USP48: variants seen among roughly 807,000 people sequenced by gnomAD.
The protein encoded by USP48 is ubiquitin carboxyl-terminal hydrolase 48.
In USP48, 43 loss-of-function variants were observed where a neutral mutation model predicts 150.7. That is an observed-to-expected ratio of 0.29 (90% CI 0.22 to 0.37). USP48 has a LOEUF of 0.37. Among genes scored for constraint, USP48 ranks in the 10% least tolerant of loss-of-function variants. The probability of loss-of-function intolerance (pLI) is 1.00; values close to 1 mark genes in which losing one functional copy is unlikely to be tolerated. For missense variants in USP48, 813 were observed against 1,249.6 expected (o/e 0.65, Z 5.27); for synonymous variants, 396 against 425.9 (o/e 0.93, Z 0.86).
At chr1:21,694,035 T>G (rs971744825) in intron 23 of USP48, among the ~76,000 whole-genome samples, 1 of 152,222 alleles carries the variant, frequency 6.6e-6, no homozygotes, top group African/African-American at 2.4e-5. Context: ...GAATTTTTTA[T>G]GGACATCTTG....
chr1:21,694,300 C>T (rs2097614618), intron 23 of USP48, among the ~76,000 whole-genome samples: 1 of 151,910 alleles, frequency 6.6e-6, no homozygotes, highest in South Asian at 2.1e-4. Flanking sequence ...AGGCCGGGCG[C>T]GGTGGCTCAC....
At chr1:21,782,749 T>C (rs1411288499) in intron 1 of USP48, 75 bp downstream of exon 1, 28 of 1,448,530 alleles carry the variant, frequency 1.9e-5, no homozygotes, top group Non-Finnish European at 2.4e-5. Flanking sequence ...GCTGCCGTCT[T>C]CCTTTCCCCT....
At chr1:21,704,463 C>G (rs757070113) in intron 19 of USP48, 71 bp from the exon 20 acceptor site, 6 of 1,479,002 alleles carry the variant, frequency 4.1e-6, no homozygotes, top group South Asian at 1.4e-5. Flanking sequence ...ATCCATTAGT[C>G]TGCTAAACCA....
chr1:21,714,694 C>T (rs1447214127), intron 15 of USP48, among the ~76,000 whole-genome samples: 3 of 152,220 alleles, frequency 2.0e-5, no homozygotes, highest in Non-Finnish European at 2.9e-5. Flanking sequence ...CTTGCACGAT[C>T]ATCTTGTAAA....
At chr1:21,714,778 A>C (rs540695259) in intron 15 of USP48, among the ~76,000 whole-genome samples, 1 of 152,258 alleles carries the variant, frequency 6.6e-6, no homozygotes, top group African/African-American at 2.4e-5. Context: ...GGATTAAATA[A>C]GGATTTAGAA....
At position 21,767,900 on chromosome 1, in the gene USP48, G is replaced by C. The variant is rs960171155; in HGVS notation, c.135-10117C>G. On this transcript the variant is annotated intron_variant, in intron 1 of 26. Transcript: ENST00000308271. ...TATCAAGGTCTCATAAATTAGACATGCAAGAAATAAGCAAATCTAAAAACA... is the reference window on the plus strand; with the variant it reads ...TATCAAGGTCTCATAAATTAGACATCCAAGAAATAAGCAAATCTAAAAACA... 2.0e-5 allele frequency among the ~76,000 whole-genome samples: 3 copies of C among 152,198 alleles called. No homozygotes were observed. In the East Asian group the frequency reaches 5.8e-4, roughly 29 times the overall value.
chr1:21,683,980 A>G (rs1478367473), intron 25 of USP48, among the ~76,000 whole-genome samples: 1 of 152,252 alleles, frequency 6.6e-6, no homozygotes, highest in Non-Finnish European at 1.5e-5. Flanking sequence ...TAATGGCTGA[A>G]TAATAGTATC....
At chr1:21,687,293 T>G in intron 24 of USP48, 54 bp from the exon 25 acceptor site, 1 of 1,529,084 alleles carries the variant, frequency 6.5e-7, no homozygotes, top group Non-Finnish European at 9.0e-7. Flanking sequence ...AGTCTGAAAT[T>G]TGAAGTATGG....
chr1:21,683,437 T>A (rs1356061359), intron 25 of USP48, among the ~76,000 whole-genome samples: 2 of 151,898 alleles, frequency 1.3e-5, no homozygotes, highest in African/African-American at 4.8e-5. Flanking sequence ...CAGGCTTGAG[T>A]GTAGTGGCAT....
At chr1:21,683,259 A>AT (rs2097571645) in intron 25 of USP48, among the ~76,000 whole-genome samples, 2 of 152,218 alleles carry the variant, frequency 1.3e-5, no homozygotes, top group South Asian at 4.1e-4. Context: ...AAAATAAAAA[A>AT]TAAAAAATAA....
At chr1:21,773,380 A>G (rs985739278) in intron 1 of USP48, among the ~76,000 whole-genome samples, 10 of 151,882 alleles carry the variant, frequency 6.6e-5, no homozygotes, top group African/African-American at 2.4e-4. Context: ...TATAAAAAGG[A>G]GAAGGGACAC....
At position 21,783,062 on chromosome 1, in the gene USP48, G is replaced by A. The variant is rs542770274; in HGVS notation, c.-105C>T. ...CGCCACCTGCCAGCAAGGAGGACCT[G>A]GCGCTCCTTCAGGCAGCTGGCCAGT... On this transcript the variant is annotated 5_prime_UTR_variant, in exon 1 of 27. Transcript: ENST00000308271. 2 of 1,386,216 alleles carry A rather than the reference G, an allele frequency of 1.4e-6. No individual in the cohort carries two copies. Among genetic ancestry groups the A allele is most frequent in the South Asian group, 1.6e-5 (1 of 62,820 alleles). 85.9% of individuals were successfully genotyped at this position (1,386,216 alleles called of 1,614,324 possible). A position where few individuals can be genotyped will look rare whatever the true frequency, so the allele number is the denominator to read the frequency against.
In USP48 at chr1:21,752,579, C is replaced by A; in HGVS notation, c.613G>T (p.Val205Leu). ...DTLSKQKNPD[V>L]RNIVQQQFCG... ...AACTGCTGTTGAACAATATTGCGCA[C>A]ATCTGGATTCTTTTGTTTAGACAAA... Residue 205 changes from valine (V) to leucine (L), a missense_variant, in exon 5 of 27, where the codon GTG (valine) becomes TTG (leucine). Transcript: ENST00000308271. The A allele has an allele frequency of 6.2e-7, 1 of 1,613,398 alleles. No homozygotes were observed. Among genetic ancestry groups the A allele is most frequent in the Non-Finnish European group, 8.5e-7 (1 of 1,179,870 alleles).
At chr1:21,741,967 C>A (rs1305319496) in intron 8 of USP48, among the ~76,000 whole-genome samples, 1 of 151,956 alleles carries the variant, frequency 6.6e-6, no homozygotes, top group East Asian at 1.9e-4. Flanking sequence ...CAGAGCAAGA[C>A]CATCTTAAAA....
chr1:21,699,848 C>T (rs2097650077), intron 22 of USP48, among the ~76,000 whole-genome samples: 1 of 149,940 alleles, frequency 6.7e-6, no homozygotes, highest in Non-Finnish European at 1.5e-5. Flanking sequence ...AATATATCAA[C>T]TGAAAAGCAC....
intron 24 of USP48, among the ~76,000 whole-genome samples, chr1:21,687,648 T>G (rs1558987742): frequency 6.6e-6 from 1 of 152,190 alleles, no homozygotes; most frequent in South Asian, 2.1e-4. Context: ...AGGTTAAAAT[T>G]ATACTTTTGT....
At chr1:21,699,157 G>A (rs1267418624) in intron 22 of USP48, among the ~76,000 whole-genome samples, 2 of 145,732 alleles carry the variant, frequency 1.4e-5, no homozygotes, top group Non-Finnish European at 3.0e-5. Context: ...AGCCTCCCCA[G>A]TACCTGGGAT....
chr1:21,781,048 T>C (rs2097913182), intron 1 of USP48, among the ~76,000 whole-genome samples: 1 of 150,992 alleles, frequency 6.6e-6, no homozygotes, highest in Non-Finnish European at 1.5e-5. Flanking sequence ...CCTATTCTTT[T>C]TTCTTTTAAA....
rs1286142888 is a variant in USP48 at position 21,741,550 on chromosome 1, T to C, written c.992-4925A>G. On this transcript the variant is annotated intron_variant, in intron 8 of 26. Coordinates refer to ENST00000308271, the MANE Select transcript of USP48 (RefSeq NM_032236.8). ...AATTTTGTAAGCTCTAATTCAATAG[T>C]TTAAAACTCTTCCAGATGGAAGGTC... is the stretch of plus-strand genomic sequence containing the variant. Among the ~76,000 whole-genome samples, 18 of 152,210 alleles carry C rather than the reference T, an allele frequency of 1.2e-4. 1 individual carries two copies. Among genetic ancestry groups the C allele is most frequent in the Admixed American group, 1.2e-3 (18 of 15,280 alleles).
Sources: allele counts gnomAD v4.1 joint callset (sites outside exome capture counted in the v4.1 genomes callset), GRCh38; gene constraint gnomAD v4.1.1; transcripts MANE v1.5; gene names NCBI Gene and HGNC (gene_info 2026-07-23, HGNC 2026-07-21).